Variants in SULT1B1 observed in about 807,000 individuals in gnomAD.
SULT1B1 encodes sulfotransferase 1B1.
SULT1B1 carries 28 observed loss-of-function variants against 34.6 expected under a neutral mutation model. That is an observed-to-expected ratio of 0.81 (90% CI 0.60 to 1.11). The LOEUF (loss-of-function observed/expected upper bound fraction) is 1.11. SULT1B1 is among the 50% of genes least tolerant of loss of function. The pLI is 0.00. For missense variants in SULT1B1, 374 were observed against 352.2 expected, an observed-to-expected ratio of 1.06 and a Z score of -0.50; for synonymous variants, 147 against 110.2, an observed-to-expected ratio of 1.33 and a Z score of -2.09.
At chr4:69,742,115 AT>A (rs1247288905) in intron 4 of SULT1B1, among the ~76,000 whole-genome samples, 1 of 152,116 alleles carries the variant, frequency 6.6e-6, no homozygotes, top group Non-Finnish European at 1.5e-5. Flanking sequence ...CCTTTTTCTA[AT>A]TTGTTGAAAT....
chr4:69,740,282 T>C (rs1038923157), intron 4 of SULT1B1, among the ~76,000 whole-genome samples: 1 of 152,236 alleles, frequency 6.6e-6, no homozygotes, highest in African/African-American at 2.4e-5. Flanking sequence ...AGAAGTTTAG[T>C]TGACTCACAG....
At chr4:69,745,170 C>A (rs1235917984) in intron 4 of SULT1B1, among the ~76,000 whole-genome samples, 1 of 152,092 alleles carries the variant, frequency 6.6e-6, no homozygotes, top group Non-Finnish European at 1.5e-5. Context: ...GTCAATCATA[C>A]AATATGTGCC....
At chr4:69,747,456 G>A (rs1424022658) in intron 4 of SULT1B1, among the ~76,000 whole-genome samples, 1 of 152,222 alleles carries the variant, frequency 6.6e-6, no homozygotes, top group African/African-American at 2.4e-5. Flanking sequence ...TGGCTATGCA[G>A]GGGCCCTAGT....
At chr4:69,736,939 T>C (rs1251352716) in intron 4 of SULT1B1, among the ~76,000 whole-genome samples, 1 of 152,000 alleles carries the variant, frequency 6.6e-6, no homozygotes, top group African/African-American at 2.4e-5. Flanking sequence ...AAACAGTATT[T>C]GGAGAATTGG....
At chr4:69,752,715 G>T (rs1303613809) in intron 3 of SULT1B1, among the ~76,000 whole-genome samples, 1 of 152,132 alleles carries the variant, frequency 6.6e-6, no homozygotes, top group African/African-American at 2.4e-5. Flanking sequence ...CTCTGCCTAC[G>T]GAAGTAACTA....
At chr4:69,749,071 A>ATT (rs1718868241) in intron 4 of SULT1B1, among the ~76,000 whole-genome samples, 1 of 152,046 alleles carries the variant, frequency 6.6e-6, no homozygotes, top group African/African-American at 2.4e-5. Context: ...AAAACGAAAA[A>ATT]CTAGCTTTAA....
At position 69,757,563 on chromosome 4, in the gene SULT1B1, C is replaced by T. The variant is rs139239922; in HGVS notation, c.-44-2302G>A. 3.0e-3 allele frequency among the ~76,000 whole-genome samples: 458 copies of T among 151,680 alleles called. 4 individuals carry two copies. The highest frequency in any genetic ancestry group is 0.011 in the African/African-American group (443 of 41,300). ...CAGCCTTGTATCTCAAAGCCAACTCCTCCACCATCACTACCCCCATCTACA... is the reference window on the plus strand; with the variant it reads ...CAGCCTTGTATCTCAAAGCCAACTCTTCCACCATCACTACCCCCATCTACA... On this transcript the variant is annotated intron_variant, in intron 1 of 7. Transcript: ENST00000310613.
At chr4:69,749,953 T>C (rs1171578964) in intron 3 of SULT1B1, 135 bp from the exon 4 acceptor site, 2 of 624,390 alleles carry the variant, frequency 3.2e-6, no homozygotes, top group Admixed American at 2.4e-5. Context: ...ATCACAGGCA[T>C]TTCACCACAT....
At chr4:69,740,597 C>T (rs1718508940) in intron 4 of SULT1B1, among the ~76,000 whole-genome samples, 2 of 152,132 alleles carry the variant, frequency 1.3e-5, no homozygotes, top group South Asian at 4.1e-4. Context: ...TAGGTTGATT[C>T]CTTTGCTACT....
chr4:69,737,757 A>G (rs1718374434), intron 4 of SULT1B1, among the ~76,000 whole-genome samples: 1 of 152,216 alleles, frequency 6.6e-6, no homozygotes, highest in Non-Finnish European at 1.5e-5. Context: ...CAAAATGTTT[A>G]GGTACAACCA....
rs773310434 is a variant in SULT1B1, at chr4:69,723,125, CA to C, written c.*3962del. On this transcript the variant is annotated 3_prime_UTR_variant, in exon 8 of 8. Coordinates refer to ENST00000310613, the MANE Select transcript of SULT1B1 (RefSeq NM_014465.4). ...ATCAACAAAATTGATAGACCACCAGCAAGACTAATAAAGAAGAAAAGAGAGA... is the reference window on the plus strand; with the variant it reads ...ATCAACAAAATTGATAGACCACCAGCAGACTAATAAAGAAGAAAAGAGAGA... The C allele has an allele frequency of 2.6e-5, 4 of 151,484 alleles. No individual in the cohort carries two copies. Among genetic ancestry groups the C allele is most frequent in the Non-Finnish European group, 5.9e-5 (4 of 67,924 alleles). The allele number at this position is 151,484 out of a possible 1,614,324, so 9.4% of individuals were successfully genotyped here. A position where few individuals can be genotyped will look rare whatever the true frequency, so the allele number is the denominator to read the frequency against.
intron 3 of SULT1B1, among the ~76,000 whole-genome samples, chr4:69,750,511 C>G (rs1718939369): frequency 1.3e-5 from 2 of 152,106 alleles, no homozygotes; most frequent in South Asian, 4.1e-4. Context: ...TACTTATATA[C>G]AGTCTAAACT....
chr4:69,756,215 T>A (rs1719185037), intron 1 of SULT1B1, among the ~76,000 whole-genome samples: 1 of 152,186 alleles, frequency 6.6e-6, no homozygotes, highest in Non-Finnish European at 1.5e-5. Context: ...ATCTGGGTAA[T>A]TCTATGTTGT....
intron 4 of SULT1B1, among the ~76,000 whole-genome samples, chr4:69,744,163 C>G (rs758326987): frequency 1.4e-4 from 21 of 152,166 alleles, no homozygotes; most frequent in Non-Finnish European, 2.6e-4. Flanking sequence ...ACGCTGCTCC[C>G]CCATTGGCGG....
chr4:69,738,954 C>T (rs1183931519), intron 4 of SULT1B1, among the ~76,000 whole-genome samples: 1 of 152,140 alleles, frequency 6.6e-6, no homozygotes, highest in Non-Finnish European at 1.5e-5. Context: ...AGTCAATAAA[C>T]CTTAAAGTTC....
chr4:69,725,564 A>G lies in SULT1B1; in HGVS notation c.*1524T>C, dbSNP rs1442724138. 2.0e-5 allele frequency: 3 copies of G among 152,164 alleles called. No individual in the cohort carries two copies. The highest frequency in any genetic ancestry group is 4.4e-5 in the Non-Finnish European group (3 of 68,036). 9.4% of individuals were successfully genotyped at this position (152,164 alleles called of 1,614,324 possible). A position where few individuals can be genotyped will look rare whatever the true frequency, so the allele number is the denominator to read the frequency against. On this transcript the variant is annotated 3_prime_UTR_variant, in exon 8 of 8. Transcript: ENST00000310613. ...ATAAATCATGCTGCTATAAAGACAC[A>G]TGCACACGTATATTTATTGCGGCAC...
intron 6 of SULT1B1, among the ~76,000 whole-genome samples, chr4:69,732,401 G>C (rs1308843428): frequency 6.6e-6 from 1 of 152,054 alleles, no homozygotes; most frequent in Non-Finnish European, 1.5e-5. Context: ...TATAAAGTAG[G>C]ATTAATGCCA....
At chr4:69,745,644 G>A (rs1362023881) in intron 4 of SULT1B1, among the ~76,000 whole-genome samples, 1 of 152,064 alleles carries the variant, frequency 6.6e-6, no homozygotes, top group Non-Finnish European at 1.5e-5. Flanking sequence ...AGCAGAGTTG[G>A]GTCTTGCTTC....
intron 7 of SULT1B1, among the ~76,000 whole-genome samples, chr4:69,727,855 G>C (rs1235523314): frequency 1.3e-5 from 2 of 151,628 alleles, no homozygotes; most frequent in African/African-American, 2.4e-5. Context: ...CTCATACTTG[G>C]GTATTTATAA....
Sources: gnomAD v4.1 joint callset for allele counts (sites outside exome capture counted in the v4.1 genomes callset) on GRCh38, gnomAD v4.1.1 for gene constraint, MANE v1.5 for transcripts, NCBI Gene and HGNC (gene_info 2026-07-23, HGNC 2026-07-21) for gene names.